The following KALRN variants were observed in gnomAD, a reference collection of about 807,000 sequenced individuals.
KALRN encodes the protein kalirin RhoGEF kinase, also known as kalirin.
Under a neutral mutation model 353.7 loss-of-function variants are expected in KALRN, and 70 were observed. The ratio of observed to expected loss-of-function variants is 0.20; its 90% CI spans 0.16 to 0.24. KALRN has a LOEUF of 0.24. Among genes scored for constraint, KALRN ranks in the 10% least tolerant of loss-of-function variants. The pLI is 1.00. For synonymous variants in KALRN, 1,391 were observed against 1,434.8 expected (o/e 0.97, Z 0.69); for missense variants, 2,791 against 3,756.7 (o/e 0.74, Z 6.72).
At chr3:124,366,349 C>A (rs1297029658) in intron 10 of KALRN, among the ~76,000 whole-genome samples, 1 of 146,728 alleles carries the variant, frequency 6.8e-6, no homozygotes, top group Non-Finnish European at 1.5e-5. Context: ...GAGGACCCTG[C>A]GGCCTTCCGC....
intron 33 of KALRN, among the ~76,000 whole-genome samples, chr3:124,527,436 C>T (rs1051948277): frequency 3.3e-5 from 5 of 151,920 alleles, no homozygotes; most frequent in South Asian, 2.1e-4. Flanking sequence ...GGTGAAACCC[C>T]GTCTCTACTA....
At chr3:124,304,030 T>G (rs952318356) in intron 6 of KALRN, among the ~76,000 whole-genome samples, 1 of 152,066 alleles carries the variant, frequency 6.6e-6, no homozygotes, top group Non-Finnish European at 1.5e-5. Flanking sequence ...TCTGTCATCT[T>G]TGATTCTTGG....
At chr3:124,181,492 G>A (rs961577478) in intron 1 of KALRN, among the ~76,000 whole-genome samples, 1 of 152,166 alleles carries the variant, frequency 6.6e-6, no homozygotes, top group Non-Finnish European at 1.5e-5. Flanking sequence ...TGCTTTTAAA[G>A]GCTTTAAAAG....
chr3:124,664,371 G>GCA lies in KALRN; in HGVS notation c.6346-2077_6346-2076insAC, dbSNP rs1553719839. Among the ~76,000 whole-genome samples the GCA allele has an allele frequency of 3.7e-3, 286 of 77,078 alleles. 6 individuals carry two copies. The highest frequency in any genetic ancestry group is 0.026 in the African/African-American group (244 of 9,488). 50.6% of individuals were successfully genotyped at this position (77,078 alleles called of 152,430 possible). A position where few individuals can be genotyped will look rare whatever the true frequency, so the allele number is the denominator to read the frequency against. On this transcript the variant is annotated intron_variant, in intron 45 of 59. Transcript: ENST00000682506. ...TGTGTGTGTGTGTGTGTGTGTGTGT[G>GCA]CGCGCGCGCGCATATAAGGGCACCC...
chr3:124,475,658 G>A (rs550111399), intron 26 of KALRN, among the ~76,000 whole-genome samples: 2 of 152,266 alleles, frequency 1.3e-5, no homozygotes, highest in South Asian at 2.1e-4. Context: ...CTATGTTTAT[G>A]TTTTAGATTT....
At chr3:124,559,471 G>T (rs2071672566) in intron 33 of KALRN, among the ~76,000 whole-genome samples, 1 of 152,166 alleles carries the variant, frequency 6.6e-6, no homozygotes, top group Non-Finnish European at 1.5e-5. Flanking sequence ...TCCTGGGAAG[G>T]GGGCCAAGAC....
At chr3:124,684,939 C>T (rs919882976) in intron 51 of KALRN, among the ~76,000 whole-genome samples, 1 of 152,034 alleles carries the variant, frequency 6.6e-6, no homozygotes, top group African/African-American at 2.4e-5. Flanking sequence ...CTCCCCGCAC[C>T]CCACTCCCCG....
chr3:124,378,762 C>A (rs2086927204), intron 10 of KALRN, among the ~76,000 whole-genome samples: 1 of 151,930 alleles, frequency 6.6e-6, no homozygotes, highest in East Asian at 1.9e-4. Context: ...GCACTGTTTC[C>A]AATAACAAGT....
chr3:124,185,610 TC>T (rs1431881600), intron 1 of KALRN, among the ~76,000 whole-genome samples: 1 of 152,216 alleles, frequency 6.6e-6, no homozygotes, highest in East Asian at 1.9e-4. Context: ...CAGTAGTTGC[TC>T]CAGAGTTTGT....
chr3:124,482,516 C>A (rs2062090710), intron 27 of KALRN, among the ~76,000 whole-genome samples: 4 of 150,440 alleles, frequency 2.7e-5, no homozygotes, highest in Non-Finnish European at 6.0e-5. Context: ...TTATTGCTCT[C>A]TTTTCTACTG....
chr3:124,084,020 G>T (rs551085294), intron 1 of KALRN, among the ~76,000 whole-genome samples: 2 of 152,320 alleles, frequency 1.3e-5, no homozygotes, highest in Admixed American at 6.5e-5. Context: ...AACTGTGGAT[G>T]ACCAAATCAC....
chr3:124,607,768 C>T (rs1160769979), intron 34 of KALRN, among the ~76,000 whole-genome samples: 10 of 152,088 alleles, frequency 6.6e-5, no homozygotes, highest in Admixed American at 2.0e-4. Context: ...AGACATGTAC[C>T]ACTATGCCTG....
At chr3:124,635,461 T>A (rs369228217) in intron 36 of KALRN, among the ~76,000 whole-genome samples, 67 of 152,292 alleles carry the variant, frequency 4.4e-4, no homozygotes, top group African/African-American at 1.5e-3. Flanking sequence ...TGTAGCCTTT[T>A]CCTTATGCAG....
At chr3:124,565,527 TC>T (rs2072695653) in intron 34 of KALRN, among the ~76,000 whole-genome samples, 1 of 152,226 alleles carries the variant, frequency 6.6e-6, no homozygotes, top group African/African-American at 2.4e-5. Context: ...CCATAGATTA[TC>T]CAGCAAAATA....
At chr3:124,678,374 C>G (rs2087433619) in intron 50 of KALRN, 61 bp downstream of exon 50, 1 of 1,570,492 alleles carries the variant, frequency 6.4e-7, no homozygotes, top group Non-Finnish European at 8.7e-7. Context: ...CTGCAGCATT[C>G]TCACAAGCCA....
intron 33 of KALRN, chr3:124,518,982 G>A (rs976325729): frequency 1.8e-5 from 18 of 990,386 alleles, no homozygotes; most frequent in South Asian, 4.6e-5. Context: ...AAGAAGAAGG[G>A]ATGATGTGTG....
intron 6 of KALRN, among the ~76,000 whole-genome samples, chr3:124,303,742 C>T (rs1156898476): frequency 6.6e-6 from 1 of 151,992 alleles, no homozygotes; most frequent in East Asian, 1.9e-4. Flanking sequence ...TGCAGCTGGG[C>T]GGGAGGAATC....
intron 3 of KALRN, among the ~76,000 whole-genome samples, chr3:124,258,629 G>A (rs965519252): frequency 3.3e-5 from 5 of 152,270 alleles, no homozygotes; most frequent in East Asian, 3.9e-4. Flanking sequence ...CCACCCATTC[G>A]GGGATCTATT....
intron 10 of KALRN, among the ~76,000 whole-genome samples, chr3:124,353,198 G>C (rs1015064796): frequency 1.3e-5 from 2 of 152,058 alleles, no homozygotes; most frequent in Admixed American, 6.6e-5. Context: ...TTCAAAATAG[G>C]TAAGAATAGA....
Sources: allele counts gnomAD v4.1 joint callset (sites outside exome capture counted in the v4.1 genomes callset), GRCh38; gene constraint gnomAD v4.1.1; transcripts MANE v1.5; gene names NCBI Gene and HGNC (gene_info 2026-07-23, HGNC 2026-07-21).